FGF17: variants seen among roughly 807,000 people sequenced by gnomAD.
FGF17 encodes fibroblast growth factor 17.
A neutral mutation model predicts 23.5 loss-of-function variants in FGF17; 5 were observed. The observed-to-expected ratio is 0.21, with a 90% CI of 0.11 to 0.45. The LOEUF (loss-of-function observed/expected upper bound fraction) is 0.45. Ranked by LOEUF, FGF17 falls within the 20% of genes least tolerant of loss-of-function variation. The pLI is 0.99. For missense variants in FGF17, 221 were observed against 306.9 expected (o/e 0.72, Z 2.09); for synonymous variants, 136 against 123.0 (o/e 1.11, Z -0.70).
chr8:22,045,505 G>C, intron 2 of FGF17: 2 of 992,226 alleles, frequency 2.0e-6, no homozygotes, highest in Non-Finnish European at 2.4e-6. Context: ...ATGGGTATGA[G>C]CTCAGGATTC....
Position 22,047,949 on chromosome 8 carries a change from C to T in FGF17, c.358-7C>T, listed in dbSNP as rs1018586238. The T allele has an allele frequency of 2.2e-5, 35 of 1,595,960 alleles. No homozygotes were observed. Among genetic ancestry groups the T allele is most frequent in the Non-Finnish European group, 2.9e-5 (34 of 1,165,642 alleles). ...AAATGCCCTTCCTGTCCTTGCTTCTCCCGCAGCCCAGCGGGAAGAGCAAAG... is the reference window on the plus strand; with the variant it reads ...AAATGCCCTTCCTGTCCTTGCTTCTTCCGCAGCCCAGCGGGAAGAGCAAAG... On this transcript the variant is annotated splice_polypyrimidine_tract_variant and splice_region_variant and intron_variant, in intron 4 of 4. Coordinates refer to ENST00000359441, the MANE Select transcript of FGF17 (RefSeq NM_003867.4).
At chr8:22,039,775 G>A (rs550582642), upstream of FGF17, among the ~76,000 whole-genome samples, 6 of 152,086 alleles carry the variant, frequency 3.9e-5, no homozygotes, top group Non-Finnish European at 7.4e-5. Flanking sequence ...CATTGCTAGG[G>A]TGCCCTTTGC....
At chr8:22,047,430 A>G (rs1369910575) in intron 4 of FGF17, among the ~76,000 whole-genome samples, 1 of 152,194 alleles carries the variant, frequency 6.6e-6, no homozygotes, top group Non-Finnish European at 1.5e-5. Context: ...AGGCAATCCC[A>G]GCTTCCCATT....
chr8:22,046,381 G>A (rs1314947137), intron 3 of FGF17, 90 bp downstream of exon 3: 3 of 1,524,194 alleles, frequency 2.0e-6, no homozygotes, highest in East Asian at 2.3e-5. Flanking sequence ...CCCAGATCCT[G>A]TGTCAGGGCT....
chr8:22,043,239 G>T, intron 2 of FGF17, 58 bp downstream of exon 2: 1 of 1,559,470 alleles, frequency 6.4e-7, no homozygotes, highest in Non-Finnish European at 8.8e-7. Flanking sequence ...TGACCAGGGC[G>T]GGTGCAAGGG....
chr8:22,048,036 C>T lies in FGF17; in HGVS notation c.438C>T (p.His146=), dbSNP rs1294022533. The T allele has an allele frequency of 3.7e-6, 6 of 1,613,044 alleles. No homozygotes were observed. In the African/African-American group the frequency reaches 5.3e-5, roughly 14 times the overall value. ...NNYTAFQNAR[H]EGWFMAFTRQ... ...ATACGGCCTTCCAGAACGCCCGGCA[C>T]GAGGGCTGGTTCATGGCCTTCACGC... The change falls in exon 5 of 5, where the codon CAC becomes CAT. Residue 146 remains histidine, a synonymous_variant. Transcript: ENST00000359441. This position sits in a 1 kb window ranked among gnomAD's most constrained non-coding sequence, Gnocchi z 6.9.
chr8:22,046,383 G>A (rs908625057), intron 3 of FGF17, 92 bp downstream of exon 3: 3 of 1,520,864 alleles, frequency 2.0e-6, no homozygotes, highest in Non-Finnish European at 2.7e-6. Flanking sequence ...CAGATCCTGT[G>A]TCAGGGCTGA....
At chr8:22,043,384 C>T (rs1056363179) in intron 2 of FGF17, among the ~76,000 whole-genome samples, 5 of 152,244 alleles carry the variant, frequency 3.3e-5, no homozygotes, top group African/African-American at 9.6e-5. Flanking sequence ...TCTCTGTCCT[C>T]CCTCTGAGGA....
chr8:22,040,299 G>A (rs1484869503), upstream of FGF17, among the ~76,000 whole-genome samples: 2 of 152,244 alleles, frequency 1.3e-5, no homozygotes, highest in Non-Finnish European at 2.9e-5. Context: ...CCAGAGAAGT[G>A]AAGGGACTTG....
intron 4 of FGF17, among the ~76,000 whole-genome samples, 151 bp from the exon 5 acceptor site, chr8:22,047,802 AAAT>A (rs1263191635): frequency 6.6e-6 from 1 of 152,216 alleles, no homozygotes; most frequent in Non-Finnish European, 1.5e-5. Context: ...TTGCCTCTCT[AAAT>A]AGGATGCCAT....
Position 22,046,249 on chromosome 8 carries a change from G to A in FGF17, c.208G>A (p.Gly70Arg), listed in dbSNP as rs368521586. ...RTSGKHVQVT[G>R]RRISATAEDG... ...CAGTGGCAAGCACGTGCAGGTCACC[G>A]GGCGTCGCATCTCCGCCACCGCCGA... The change falls in exon 3 of 5, where the codon GGG becomes AGG. Residue 70 changes from glycine (G) to arginine (R), a missense_variant. Gly to Arg is a moderately radical substitution (Grantham distance 125, BLOSUM62 -2). Transcript: ENST00000359441. The A allele has an allele frequency of 1.2e-5, 19 of 1,613,714 alleles. No individual in the cohort carries two copies. Among genetic ancestry groups the A allele is most frequent in the Admixed American group, 1.7e-5 (1 of 60,004 alleles).
chr8:22,045,821 C>G (rs1428420690), intron 2 of FGF17: 1 of 1,334,480 alleles, frequency 7.5e-7, no homozygotes, highest in East Asian at 3.3e-5. Flanking sequence ...GGGATAGAAC[C>G]CTGAGGGCTC....
intron 2 of FGF17, chr8:22,044,728 G>A (rs1372164164): frequency 4.1e-6 from 4 of 985,444 alleles, no homozygotes; most frequent in Non-Finnish European, 4.8e-6. Context: ...GCTCTATGGG[G>A]AGGTGCAATT....
At position 22,048,733 on chromosome 8, in the gene FGF17, A is replaced by T. The variant is rs931649098; in HGVS notation, c.*484A>T. ...GAGAGAGGAAAATAGAGGGTTGTCCACTCCTCACATTCCACGACCCAGGCC... is the reference window on the plus strand; with the variant it reads ...GAGAGAGGAAAATAGAGGGTTGTCCTCTCCTCACATTCCACGACCCAGGCC... On this transcript the variant is annotated 3_prime_UTR_variant, in exon 5 of 5. Transcript: ENST00000359441. This position sits in a 1 kb window ranked among gnomAD's most constrained non-coding sequence, Gnocchi z 6.9. 2 of 160,830 alleles carry T rather than the reference A, an allele frequency of 1.2e-5. No individual in the cohort carries two copies. The highest frequency in any genetic ancestry group is 6.1e-5 in the Admixed American group (1 of 16,506). The allele number at this position is 160,830 out of a possible 1,614,324, so 10.0% of individuals were successfully genotyped here. A position where few individuals can be genotyped will look rare whatever the true frequency, so the allele number is the denominator to read the frequency against.
At chr8:22,044,852 C>T in intron 2 of FGF17, 1 of 985,548 alleles carries the variant, frequency 1.0e-6, no homozygotes, top group Non-Finnish European at 1.2e-6. Flanking sequence ...CACCCCCTCC[C>T]TAGGAGAGAG....
intron 2 of FGF17, chr8:22,044,938 T>G (rs1188487572): frequency 2.2e-5 from 22 of 985,584 alleles, no homozygotes; most frequent in Non-Finnish European, 2.6e-5. Context: ...AAGGTGGAAT[T>G]AGGGATTTGG....
chr8:22,045,081 C>T (rs921871884), intron 2 of FGF17: 121 of 985,426 alleles, frequency 1.2e-4, no homozygotes, highest in Non-Finnish European at 1.3e-4. Flanking sequence ...CCGGGTCGCA[C>T]CTTGCAGGAT....
upstream of FGF17, among the ~76,000 whole-genome samples, chr8:22,040,279 G>C (rs1472549000): frequency 6.6e-6 from 1 of 152,216 alleles, no homozygotes; most frequent in African/African-American, 2.4e-5. Flanking sequence ...TATAAACTGG[G>C]ACCCTGAAAC....
At chr8:22,045,089 G>A in intron 2 of FGF17, 1 of 985,562 alleles carries the variant, frequency 1.0e-6, no homozygotes, top group Non-Finnish European at 1.2e-6. Context: ...CACCTTGCAG[G>A]ATGGAGGGGA....
Sources: gnomAD v4.1 joint callset for allele counts (sites outside exome capture counted in the v4.1 genomes callset) on GRCh38, gnomAD v4.1.1 for gene constraint, Gnocchi (gnomAD v3.1) non-coding constraint, MANE v1.5 for transcripts, NCBI Gene and HGNC (gene_info 2026-07-23, HGNC 2026-07-21) for gene names.